The following CHLSN variants were observed in gnomAD, a reference collection of about 807,000 sequenced individuals.
CHLSN encodes protein cholesin.
At chr7:1,016,980 C>G in the CHLSN span, among the ~76,000 whole-genome samples, 8 of 63,758 alleles carry the variant, frequency 1.3e-4, 1 homozygote, top group Non-Finnish European at 2.4e-4. Flanking sequence ...CAGCACACAC[C>G]AGCGCACAGC....
chr7:1,110,172 C>T, the CHLSN span, among the ~76,000 whole-genome samples: 4 of 151,310 alleles, frequency 2.6e-5, no homozygotes, highest in African/African-American at 9.8e-5. Context: ...TCTGGCGGCA[C>T]CAGCGCATGT....
At chr7:1,044,141 A>G in the CHLSN span, among the ~76,000 whole-genome samples, 16,317 of 152,302 alleles carry the variant, frequency 0.11, 1,160 homozygotes, top group Middle Eastern at 0.2. Flanking sequence ...CGGTGAAGAA[A>G]GAGGGGCAGG....
chr7:1,066,344 C>T, the CHLSN span, among the ~76,000 whole-genome samples: 1 of 152,360 alleles, frequency 6.6e-6, no homozygotes, highest in Non-Finnish European at 1.5e-5. Flanking sequence ...CGCCGCCTAG[C>T]AGATTTGGGG....
chr7:983,240 G>A, the CHLSN span: 1 of 1,528,916 alleles, frequency 6.5e-7, no homozygotes, highest in Non-Finnish European at 8.8e-7. Flanking sequence ...CTGTTCCTGG[G>A]CCTCCTGGGG....
the CHLSN span, chr7:1,093,057 C>A: frequency 1.4e-6 from 1 of 710,274 alleles, no homozygotes; most frequent in Admixed American, 2.0e-5. Context: ...TTGCACTCCT[C>A]ACACAGAATT....
the CHLSN span, among the ~76,000 whole-genome samples, chr7:1,134,550 C>T: frequency 6.6e-6 from 1 of 150,546 alleles, no homozygotes; most frequent in Non-Finnish European, 1.5e-5. Flanking sequence ...GCATGGGTAA[C>T]AGAGTGACAC....
At chr7:1,113,523 C>A in the CHLSN span, among the ~76,000 whole-genome samples, 1 of 152,320 alleles carries the variant, frequency 6.6e-6, no homozygotes, top group Admixed American at 6.5e-5. Context: ...TCACGAGGTG[C>A]TGATGGGTCA....
the CHLSN span, among the ~76,000 whole-genome samples, chr7:1,006,955 TGGTCACA>T: frequency 1.3e-5 from 2 of 152,136 alleles, no homozygotes; most frequent in Admixed American, 1.3e-4. Context: ...GCCCAGGGTA[TGGTCACA>T]GGTCACAGGC....
the CHLSN span, among the ~76,000 whole-genome samples, chr7:995,032 G>A: frequency 6.6e-6 from 1 of 152,378 alleles, no homozygotes; most frequent in Non-Finnish European, 1.5e-5. Context: ...GTCGTCTCCA[G>A]GCTAAGGCGG....
chr7:1,114,646 G>C, the CHLSN span, among the ~76,000 whole-genome samples: 5 of 152,268 alleles, frequency 3.3e-5, no homozygotes, highest in African/African-American at 1.2e-4. Context: ...CGGAAGGACT[G>C]AGGCCAGCTC....
At chr7:1,121,706 C>T in the CHLSN span, among the ~76,000 whole-genome samples, 1 of 152,250 alleles carries the variant, frequency 6.6e-6, no homozygotes, top group Non-Finnish European at 1.5e-5. Flanking sequence ...ACAGCCAAGA[C>T]CATGAAACAC....
At chr7:1,080,476 G>A in the CHLSN span, among the ~76,000 whole-genome samples, 2 of 152,174 alleles carry the variant, frequency 1.3e-5, no homozygotes, top group African/African-American at 2.4e-5. Flanking sequence ...GACGGTCCGG[G>A]GAGTCTGATC....
chr7:1,023,034 G>A, the CHLSN span: 151 of 456,230 alleles, frequency 3.3e-4, 1 homozygote, highest in Admixed American at 3.3e-3. The surrounding 1 kb of genome is among the most constrained non-coding windows in gnomAD (Gnocchi z 5.0). Flanking sequence ...CCGCCCCTGC[G>A]GAGCACAGGA....
the CHLSN span, chr7:983,168 G>A: frequency 2.7e-4 from 391 of 1,434,134 alleles, no homozygotes; most frequent in Middle Eastern, 5.2e-4. Context: ...GTGCGGGGGG[G>A]ACGGGGCCCA....
At chr7:1,091,899 C>G in the CHLSN span, 1 of 1,613,984 alleles carries the variant, frequency 6.2e-7, no homozygotes, top group Non-Finnish European at 8.5e-7. Context: ...AGTACGTGAT[C>G]GGCCTGTTCC....
At chr7:1,042,234 C>G in the CHLSN span, among the ~76,000 whole-genome samples, 2 of 152,210 alleles carry the variant, frequency 1.3e-5, no homozygotes, top group Non-Finnish European at 2.9e-5. Flanking sequence ...TCAGCAGCCA[C>G]GGCACACAGC....
At chr7:1,120,417 T>C in the CHLSN span, among the ~76,000 whole-genome samples, 1 of 152,142 alleles carries the variant, frequency 6.6e-6, no homozygotes, top group Non-Finnish European at 1.5e-5. Flanking sequence ...TTCGCCTCCC[T>C]AGCAGCTGAG....
chr7:1,000,843 G>A, the CHLSN span, among the ~76,000 whole-genome samples: 1 of 152,232 alleles, frequency 6.6e-6, no homozygotes, highest in African/African-American at 2.4e-5. Flanking sequence ...CCACCCCATG[G>A]GTCACACGGA....
the CHLSN span, among the ~76,000 whole-genome samples, chr7:1,116,666 G>A: frequency 1.7e-4 from 7 of 42,160 alleles, no homozygotes; most frequent in Admixed American, 2.1e-4. Flanking sequence ...CATCACCGAC[G>A]TCCACGCAGG....
Sources: allele counts gnomAD v4.1 joint callset (sites outside exome capture counted in the v4.1 genomes callset), GRCh38; gene constraint gnomAD v4.1.1; non-coding constraint Gnocchi (gnomAD v3.1); transcripts MANE v1.5; gene names NCBI Gene and HGNC (gene_info 2026-07-23, HGNC 2026-07-21).